CAMKMT: variants seen among roughly 807,000 people sequenced by gnomAD.
CAMKMT encodes calmodulin-lysine N-methyltransferase.
A neutral mutation model predicts 48.0 loss-of-function variants in CAMKMT; 53 were observed. That is an observed-to-expected ratio of 1.10 (90% CI 0.89 to 1.39). The LOEUF (loss-of-function observed/expected upper bound fraction) is 1.39. Ranked by LOEUF, CAMKMT falls within the 40% of genes most tolerant of loss-of-function variation. The probability of loss-of-function intolerance (pLI) is 0.00; values close to 1 mark genes in which losing one functional copy is unlikely to be tolerated. For synonymous variants in CAMKMT, 165 were observed against 152.3 expected (o/e 1.08, Z -0.61); for missense variants, 428 against 402.7 (o/e 1.06, Z -0.54).
chr2:44,380,699 A>G (rs1016880558), intron 2 of CAMKMT, among the ~76,000 whole-genome samples: 1 of 152,228 alleles, frequency 6.6e-6, no homozygotes, highest in African/African-American at 2.4e-5. Flanking sequence ...GATTATTAAC[A>G]TTATTCTTTC....
chr2:44,674,197 A>G (rs1452703662), intron 3 of CAMKMT, among the ~76,000 whole-genome samples: 1 of 152,244 alleles, frequency 6.6e-6, no homozygotes, highest in Non-Finnish European at 1.5e-5. Context: ...ACTAGAATAT[A>G]GTCAACTCAT....
chr2:44,398,845 C>A (rs1474232560), intron 3 of CAMKMT, among the ~76,000 whole-genome samples: 1 of 151,992 alleles, frequency 6.6e-6, no homozygotes. Flanking sequence ...CTTGTTAATG[C>A]TTGATAAGAA....
At chr2:44,428,549 C>T (rs1684429153) in intron 3 of CAMKMT, among the ~76,000 whole-genome samples, 1 of 152,212 alleles carries the variant, frequency 6.6e-6, no homozygotes, top group African/African-American at 2.4e-5. Context: ...GAACCCTCGC[C>T]AGGGACCCCA....
chr2:44,526,920 G>A (rs948858337), intron 3 of CAMKMT, among the ~76,000 whole-genome samples: 3 of 151,814 alleles, frequency 2.0e-5, no homozygotes, highest in African/African-American at 7.3e-5. Context: ...TCCCTTTAGG[G>A]TGTATAATTT....
chr2:44,599,928 G>T (rs1231490109), intron 3 of CAMKMT, among the ~76,000 whole-genome samples: 2 of 151,724 alleles, frequency 1.3e-5, no homozygotes, highest in Admixed American at 1.3e-4. Context: ...TCTTCAAAAC[G>T]ATTTGGTACT....
intron 7 of CAMKMT, among the ~76,000 whole-genome samples, chr2:44,730,298 A>G (rs1033754581): frequency 6.6e-6 from 1 of 152,106 alleles, no homozygotes; most frequent in Non-Finnish European, 1.5e-5. Context: ...ATGCAGTTCC[A>G]CCTTCTTCAG....
intron 3 of CAMKMT, among the ~76,000 whole-genome samples, chr2:44,675,375 C>T (rs1675624546): frequency 6.6e-6 from 1 of 152,048 alleles, no homozygotes; most frequent in Non-Finnish European, 1.5e-5. Flanking sequence ...GTTGACCTGC[C>T]CCTTTGGTAG....
chr2:44,506,761 C>G (rs183517605), intron 3 of CAMKMT, among the ~76,000 whole-genome samples: 1 of 152,156 alleles, frequency 6.6e-6, no homozygotes, highest in African/African-American at 2.4e-5. Flanking sequence ...GTGTGCTTTA[C>G]TGACTAATTT....
At position 44,772,082 on chromosome 2, in the gene CAMKMT, CG is replaced by C; in HGVS notation, c.942del (p.Leu315PhefsTer5). On this transcript the variant is annotated frameshift_variant, in exon 11 of 11. Transcript: ENST00000378494. LOFTEE classifies it high-confidence loss of function. Reference sequence around the variant, plus strand: ...ATATATGAAGAAAACCTTCATTACCCGCTTCTGCTTATTTTGACCAAACATG... The same window carrying C: ...ATATATGAAGAAAACCTTCATTACCCCTTCTGCTTATTTTGACCAAACATG... The part of the protein sequence containing the change: ...PDIYEENLHY[P>X]LLLILTKHG 1.2e-6 allele frequency: 2 copies of C among 1,613,772 alleles called. No homozygotes were observed. Among genetic ancestry groups the C allele is most frequent in the Non-Finnish European group, 8.5e-7 (1 of 1,179,914 alleles).
At chr2:44,442,237 C>A (rs1030358361) in intron 3 of CAMKMT, among the ~76,000 whole-genome samples, 4 of 152,144 alleles carry the variant, frequency 2.6e-5, no homozygotes, top group Admixed American at 6.5e-5. Context: ...GCCTTGCAAA[C>A]CCATCTGTGG....
chr2:44,696,236 C>T (rs540205206), intron 3 of CAMKMT, among the ~76,000 whole-genome samples: 384 of 152,284 alleles, frequency 2.5e-3, no homozygotes, highest in African/African-American at 8.5e-3. Flanking sequence ...AGCCACTGTG[C>T]CCGGCCAAAA....
intron 3 of CAMKMT, among the ~76,000 whole-genome samples, chr2:44,558,387 G>A (rs1291558099): frequency 1.3e-5 from 2 of 152,080 alleles, no homozygotes; most frequent in Non-Finnish European, 2.9e-5. Context: ...AGTTTCCTTG[G>A]TACTTGCTAA....
intron 8 of CAMKMT, among the ~76,000 whole-genome samples, chr2:44,750,117 A>C (rs1003773135): frequency 1.3e-5 from 2 of 151,984 alleles, no homozygotes; most frequent in Non-Finnish European, 2.9e-5. Context: ...ATGGGTTAAG[A>C]GGTTTCAAAA....
At chr2:44,543,860 TTGTCTGTTGACAGA>T (rs1303608125) in intron 3 of CAMKMT, among the ~76,000 whole-genome samples, 2 of 152,202 alleles carry the variant, frequency 1.3e-5, no homozygotes, top group African/African-American at 4.8e-5. Context: ...TTAACTTTCA[TTGTCTGTTGACAGA>T]TGTATTTAGA....
intron 7 of CAMKMT, among the ~76,000 whole-genome samples, chr2:44,739,722 G>A (rs1679566874): frequency 6.6e-6 from 1 of 152,304 alleles, no homozygotes; most frequent in South Asian, 2.1e-4. Context: ...CCTGGCTGGA[G>A]TGAATTTTAA....
At chr2:44,543,595 G>A (rs538384400) in intron 3 of CAMKMT, among the ~76,000 whole-genome samples, 4 of 152,110 alleles carry the variant, frequency 2.6e-5, no homozygotes, top group Admixed American at 1.3e-4. Context: ...TTTATGTGCC[G>A]GGTAGAGTTT....
At chr2:44,473,539 T>G (rs538210226) in intron 3 of CAMKMT, among the ~76,000 whole-genome samples, 1 of 152,320 alleles carries the variant, frequency 6.6e-6, no homozygotes, top group East Asian at 1.9e-4. Flanking sequence ...CTTGGGAAGG[T>G]AAGTTAACGA....
At chr2:44,476,949 A>T (rs1035175916) in intron 3 of CAMKMT, among the ~76,000 whole-genome samples, 1 of 152,188 alleles carries the variant, frequency 6.6e-6, no homozygotes, top group Non-Finnish European at 1.5e-5. Context: ...CAAATGGCTT[A>T]TTACTGAAGT....
chr2:44,524,870 T>C (rs1671316020), intron 3 of CAMKMT, among the ~76,000 whole-genome samples: 1 of 152,166 alleles, frequency 6.6e-6, no homozygotes, highest in East Asian at 1.9e-4. Flanking sequence ...ATGGCTTTTT[T>C]CTGCCTATCT....
Sources: allele counts gnomAD v4.1 joint callset (sites outside exome capture counted in the v4.1 genomes callset), GRCh38; gene constraint gnomAD v4.1.1; transcripts MANE v1.5; gene names NCBI Gene and HGNC (gene_info 2026-07-23, HGNC 2026-07-21).